Variants in SPATA6L observed in about 807,000 individuals in gnomAD.
SPATA6L encodes the protein spermatogenesis associated 6 like, also known as spermatogenesis associated 6-like protein.
A neutral mutation model predicts 49.2 loss-of-function variants in SPATA6L; 68 were observed. The observed-to-expected ratio is 1.38, with a 90% CI of 1.14 to 1.69. The LOEUF (loss-of-function observed/expected upper bound fraction) is 1.69. SPATA6L is among the 40% of genes most tolerant of loss of function. The probability of loss-of-function intolerance (pLI) is 0.00; values close to 1 mark genes in which losing one functional copy is unlikely to be tolerated. For synonymous variants in SPATA6L, 198 were observed against 165.7 expected, an observed-to-expected ratio of 1.19 and a Z score of -1.50; for missense variants, 668 against 464.3, an observed-to-expected ratio of 1.44 and a Z score of -4.03.
chr9:4,602,136 G>C (rs1362558813), intron 11 of SPATA6L, among the ~76,000 whole-genome samples: 2 of 144,998 alleles, frequency 1.4e-5, no homozygotes, highest in Non-Finnish European at 3.0e-5. Context: ...AGAAAGAATT[G>C]ACGTTTTTTT....
At chr9:4,656,719 T>G (rs992580950) in intron 2 of SPATA6L, among the ~76,000 whole-genome samples, 3 of 152,234 alleles carry the variant, frequency 2.0e-5, no homozygotes, top group African/African-American at 7.2e-5. Flanking sequence ...TATCATCGAC[T>G]TGACCTAGCT....
chr9:4,606,513 G>C lies in SPATA6L; in HGVS notation c.996-1073C>G, dbSNP rs557641990. Among the ~76,000 whole-genome samples the C allele has an allele frequency of 4.2e-4, 17 of 40,474 alleles. 6 individuals carry two copies. The highest frequency in any genetic ancestry group is 8.1e-4 in the East Asian group (2 of 2,464). 26.6% of individuals were successfully genotyped at this position (40,474 alleles called of 152,430 possible). On this transcript the variant is annotated intron_variant, in intron 9 of 11. Transcript: ENST00000682582. ...CCCCTGACCCCCGAGCAGCCTAACT[G>C]GGAGGCACCCCCCAGCAGGGGCACA...
intron 1 of SPATA6L, chr9:4,663,473 C>A (rs1840353877): frequency 5.4e-6 from 3 of 552,284 alleles, no homozygotes; most frequent in East Asian, 2.9e-5. Flanking sequence ...CAAAAAAACC[C>A]AAAAAATCCT....
intron 9 of SPATA6L, among the ~76,000 whole-genome samples, chr9:4,606,820 A>G (rs1825339561): frequency 6.7e-6 from 1 of 148,470 alleles, no homozygotes; most frequent in African/African-American, 2.6e-5. Flanking sequence ...CTGAGAGAAG[A>G]AGGCTTCAGA....
In SPATA6L at chr9:4,629,179, G is replaced by T; in HGVS notation, c.352-11C>A. The T allele has an allele frequency of 1.3e-6, 2 of 1,549,306 alleles. No individual in the cohort carries two copies. Among genetic ancestry groups the T allele is most frequent in the Admixed American group, 1.9e-5 (1 of 52,100 alleles). Reference sequence around the variant, plus strand: ...TTTGGGAGCAATGCCCTATAAAACAGCATAAAAAAAGCAAATAAAATTACT... The same window carrying T: ...TTTGGGAGCAATGCCCTATAAAACATCATAAAAAAAGCAAATAAAATTACT... On this transcript the variant is annotated splice_polypyrimidine_tract_variant and intron_variant, in intron 4 of 11. Coordinates refer to ENST00000682582, the MANE Select transcript of SPATA6L (RefSeq NM_001353486.2).
rs1219874543 is a variant in SPATA6L, at chr9:4,598,422, A to C, written c.*2389T>G. 6.6e-6 allele frequency among the ~76,000 whole-genome samples: 1 copy of C among 152,224 alleles called. No individual in the cohort carries two copies. The highest frequency in any genetic ancestry group is 1.5e-5 in the Non-Finnish European group (1 of 68,040). The stretch of plus-strand genomic sequence containing the variant: ...TACACTCCAAAAGCAAAATACTTCA[A>C]CTGCAATCCTTGCCCCAGCATGATT... On this transcript the variant is annotated 3_prime_UTR_variant, in exon 12 of 12. Coordinates refer to ENST00000682582, the MANE Select transcript of SPATA6L (RefSeq NM_001353486.2).
intron 13 of SPATA6L, among the ~76,000 whole-genome samples, chr9:4,593,009 T>A (rs998445773): frequency 6.6e-6 from 1 of 152,202 alleles, no homozygotes; most frequent in Non-Finnish European, 1.5e-5. Flanking sequence ...TTTACATGCA[T>A]AGTCTCATGC....
chr9:4,656,729 TCTA>T (rs1838312966), intron 2 of SPATA6L, among the ~76,000 whole-genome samples: 1 of 152,218 alleles, frequency 6.6e-6, no homozygotes, highest in East Asian at 1.9e-4. Context: ...TTGACCTAGC[TCTA>T]CTGTTTGTTG....
Position 4,599,419 on chromosome 9 carries a change from C to G in SPATA6L, c.*1392G>C, listed in dbSNP as rs1313125594. Among the ~76,000 whole-genome samples the G allele has an allele frequency of 6.6e-6, 1 of 152,144 alleles. No homozygotes were observed. The highest frequency in any genetic ancestry group is 2.4e-5 in the African/African-American group (1 of 41,426). On this transcript the variant is annotated 3_prime_UTR_variant, in exon 12 of 12. Coordinates refer to ENST00000682582, the MANE Select transcript of SPATA6L (RefSeq NM_001353486.2). ...TCATTTTCTTAATTTACCTAATGAA[C>G]CAATCCCTATGATTACAGTGAGAAA...
At chr9:4,660,786 G>C (rs1839473687) in intron 2 of SPATA6L, among the ~76,000 whole-genome samples, 1 of 152,192 alleles carries the variant, frequency 6.6e-6, no homozygotes, top group Admixed American at 6.5e-5. Context: ...CAACCCAAAT[G>C]TCCATCAGTG....
intron 9 of SPATA6L, among the ~76,000 whole-genome samples, chr9:4,611,713 G>A (rs1192446190): frequency 6.6e-6 from 1 of 151,218 alleles, no homozygotes; most frequent in Non-Finnish European, 1.5e-5. Flanking sequence ...ACGAGTTAGT[G>A]GGTGCAGCGC....
At chr9:4,615,538 A>G (rs894336282) in intron 9 of SPATA6L, among the ~76,000 whole-genome samples, 2 of 152,212 alleles carry the variant, frequency 1.3e-5, no homozygotes, top group African/African-American at 4.8e-5. Context: ...GGCTGGCTGA[A>G]TGAATGCATA....
intron 3 of SPATA6L, among the ~76,000 whole-genome samples, chr9:4,640,491 C>G (rs1433601319): frequency 6.6e-6 from 1 of 152,032 alleles, no homozygotes; most frequent in Non-Finnish European, 1.5e-5. Flanking sequence ...AACAATTCAG[C>G]CAATAGAGAA....
At chr9:4,646,496 C>T in intron 3 of SPATA6L, 1 of 1,518,316 alleles carries the variant, frequency 6.6e-7, no homozygotes, top group Non-Finnish European at 8.8e-7. Flanking sequence ...CCTGGAGGAA[C>T]TAGCTGTATT....
intron 3 of SPATA6L, among the ~76,000 whole-genome samples, chr9:4,652,227 C>G (rs553731020): frequency 1.3e-5 from 2 of 151,986 alleles, no homozygotes; most frequent in South Asian, 4.2e-4. Context: ...TCAAGATCAG[C>G]CTGACAAACA....
At chr9:4,628,940 A>T in intron 5 of SPATA6L, 151 bp downstream of exon 5, 1 of 621,818 alleles carries the variant, frequency 1.6e-6, no homozygotes, top group Non-Finnish European at 2.8e-6. Context: ...AAACAGTTTG[A>T]ATTATAGAAA....
chr9:4,649,658 G>A (rs1423031281), intron 3 of SPATA6L, among the ~76,000 whole-genome samples: 1 of 152,190 alleles, frequency 6.6e-6, no homozygotes. Flanking sequence ...TCCACAGAGC[G>A]AGTTAATTAG....
intron 2 of SPATA6L, among the ~76,000 whole-genome samples, chr9:4,658,662 G>A (rs367800): frequency 0.61 from 92,505 of 151,952 alleles, 29,534 homozygotes; most frequent in African/African-American, 0.81. Flanking sequence ...TGCTTCTACA[G>A]TTTTGTATCT....
chr9:4,649,447 T>A (rs1486853622), intron 3 of SPATA6L, among the ~76,000 whole-genome samples: 3 of 152,218 alleles, frequency 2.0e-5, no homozygotes, highest in Non-Finnish European at 4.4e-5. Context: ...GTCAATTAAT[T>A]CTCATCATAA....
Sources: allele counts gnomAD v4.1 joint callset (sites outside exome capture counted in the v4.1 genomes callset), GRCh38; gene constraint gnomAD v4.1.1; transcripts MANE v1.5; gene names NCBI Gene and HGNC (gene_info 2026-07-23, HGNC 2026-07-21).